Variants in MTMR1 observed in about 807,000 individuals in gnomAD.
MTMR1 encodes the protein phosphatidylinositol-3-phosphate phosphatase MTMR1.
In MTMR1, 17 loss-of-function variants were observed where a neutral mutation model predicts 51.6. The ratio of observed to expected loss-of-function variants is 0.33; its 90% confidence interval spans 0.23 to 0.49. The LOEUF (loss-of-function observed/expected upper bound fraction) is 0.49. Among genes scored for constraint, MTMR1 ranks in the 20% least tolerant of loss-of-function variants. The pLI is 0.99. For missense variants in MTMR1, 386 were observed against 526.9 expected (o/e 0.73, Z 2.62); for synonymous variants, 201 against 205.6 (o/e 0.98, Z 0.19).
chrX:150,696,402 A>C (rs1232116087), intron 1 of MTMR1, among the ~76,000 whole-genome samples: 3 of 111,220 alleles, frequency 2.7e-5, no homozygotes, highest in African/African-American at 9.8e-5. Context: ...TCTTCTGAAT[A>C]CTGTAATTAA....
At position 150,737,684 on chromosome X, in the gene MTMR1, TCATATAA is replaced by T. The variant is rs782685896; in HGVS notation, c.1473+241_1473+247del. On this transcript the variant is annotated intron_variant, in intron 12 of 15. Transcript: ENST00000445323. Reference sequence around the variant, plus strand: ...CCTTTTTAAAAAATTGAGGTAAAATTCATATAACATAGAATTAACCATTTAAAATGCT... The same window carrying T: ...CCTTTTTAAAAAATTGAGGTAAAATTCATAGAATTAACCATTTAAAATGCT... Among the ~76,000 whole-genome samples the T allele has an allele frequency of 4.5e-5, 5 of 112,188 alleles. No individual in the cohort carries two copies. In the East Asian group the frequency reaches 1.4e-3, roughly 31 times the overall value.
chrX:150,715,425 A>G (rs1962239093), intron 3 of MTMR1, among the ~76,000 whole-genome samples: 2 of 112,396 alleles, frequency 1.8e-5, no homozygotes, highest in South Asian at 7.4e-4. Context: ...ACTTTGAGCC[A>G]TGGCACCAAG....
chrX:150,718,722 C>T (rs200657033), intron 4 of MTMR1, 22 bp downstream of exon 4: 26 of 1,155,207 alleles, frequency 2.3e-5, no homozygotes, highest in Middle Eastern at 2.4e-4. Flanking sequence ...GTGTACACTT[C>T]GCTTTTTGAG....
chrX:150,761,328 G>C (rs2043121438), intron 15 of MTMR1, among the ~76,000 whole-genome samples: 1 of 112,060 alleles, frequency 8.9e-6, no homozygotes, highest in Admixed American at 9.4e-5. Flanking sequence ...CTGGGTGCTG[G>C]TTACTGAGCA....
intron 2 of MTMR1, among the ~76,000 whole-genome samples, chrX:150,699,583 G>A (rs370722233): frequency 8.0e-5 from 9 of 112,147 alleles, no homozygotes; most frequent in Admixed American, 4.7e-4. Flanking sequence ...AATGCATATA[G>A]CTTCTTTGTT....
At chrX:150,698,688 A>G (rs879985876) in intron 1 of MTMR1, among the ~76,000 whole-genome samples, 1 of 81,661 alleles carries the variant, frequency 1.2e-5, no homozygotes, top group East Asian at 3.3e-4. Flanking sequence ...GCGCACACAC[A>G]CACACACACA....
chrX:150,726,099 G>A (rs1054716632), intron 4 of MTMR1, among the ~76,000 whole-genome samples: 2 of 111,971 alleles, frequency 1.8e-5, no homozygotes, highest in Admixed American at 1.9e-4. Flanking sequence ...CACAGCAGGA[G>A]GTGAGCAGCG....
chrX:150,758,690 C>T (rs904222679), intron 15 of MTMR1, among the ~76,000 whole-genome samples: 11 of 109,476 alleles, frequency 1.0e-4, no homozygotes, highest in African/African-American at 3.3e-4. Context: ...ACTCAGGAGG[C>T]CGAGGCAGAA....
rs370523763 is a variant in MTMR1 at position 150,736,732 on chromosome X, G to A, written c.1218G>A (p.Ala406=). The change falls in exon 11 of 16, where the codon GCG becomes GCA. Residue 406 remains alanine (A), a synonymous_variant. Transcript: ENST00000445323. ...KEIVYPSIDE[A]RWLSNVDGTH... is the part of the protein sequence containing the mutation. ...TTGTGTACCCTTCGATCGATGAGGC[G>A]CGGTGGCTCTCCAATGTGGATGGGA... 1.4e-5 allele frequency: 17 copies of A among 1,209,394 alleles called. No homozygotes were observed. Among genetic ancestry groups the A allele is most frequent in the African/African-American group, 1.0e-4 (6 of 57,178 alleles).
chrX:150,725,941 T>C (rs1049450076), intron 4 of MTMR1, among the ~76,000 whole-genome samples: 2 of 111,518 alleles, frequency 1.8e-5, no homozygotes, highest in Admixed American at 9.5e-5. Context: ...CACTTTCCTA[T>C]TGAGTTAAGT....
chrX:150,719,304 C>G (rs1307300547), intron 4 of MTMR1, among the ~76,000 whole-genome samples: 4 of 111,514 alleles, frequency 3.6e-5, no homozygotes, highest in Non-Finnish European at 5.7e-5. Context: ...GTCTGGTTTT[C>G]TAGACTGTTT....
intron 3 of MTMR1, among the ~76,000 whole-genome samples, chrX:150,715,657 A>G (rs1474821772): frequency 8.9e-6 from 1 of 112,442 alleles, no homozygotes; most frequent in Admixed American, 9.4e-5. Flanking sequence ...AAAACCTCCA[A>G]GCTTTTAAAA....
At chrX:150,717,076 G>A (rs2041548933) in intron 3 of MTMR1, among the ~76,000 whole-genome samples, 2 of 110,949 alleles carry the variant, frequency 1.8e-5, no homozygotes, top group Non-Finnish European at 3.8e-5. Context: ...AAAAGCAAAT[G>A]AGGCCGGGCG....
intron 10 of MTMR1, chrX:150,735,562 A>C (rs1333145714): frequency 2.2e-6 from 1 of 458,194 alleles, no homozygotes; most frequent in East Asian, 3.9e-5. Flanking sequence ...CCTCACCTAC[A>C]GCAGGAACCT....
In MTMR1 at chrX:150,730,353, T is replaced by C. The variant is rs950424515; in HGVS notation, c.657+143T>C. 3.0e-5 allele frequency: 16 copies of C among 537,363 alleles called. No individual in the cohort carries two copies. In the East Asian group the frequency reaches 6.3e-4, roughly 21 times the overall value. 44.3% of individuals were successfully genotyped at this position (537,363 alleles called of 1,213,427 possible). On this transcript the variant is annotated intron_variant, in intron 7 of 15. Coordinates refer to ENST00000445323, the MANE Select transcript of MTMR1 (RefSeq NM_001306144.3). Reference sequence around the variant, plus strand: ...GACTAATATTAGAATATTTGAAATTTGTCAGTTCTGGGTAATGCTTAAGAA... The same window carrying C: ...GACTAATATTAGAATATTTGAAATTCGTCAGTTCTGGGTAATGCTTAAGAA...
chrX:150,703,799 G>A (rs1557416002), intron 2 of MTMR1, among the ~76,000 whole-genome samples: 2 of 111,757 alleles, frequency 1.8e-5, no homozygotes, highest in Non-Finnish European at 3.8e-5. Flanking sequence ...TGCCTTCATG[G>A]AACAGTTCAC....
chrX:150,700,939 A>G (rs1557415912), intron 2 of MTMR1, among the ~76,000 whole-genome samples: 1 of 112,536 alleles, frequency 8.9e-6, no homozygotes, highest in East Asian at 2.8e-4. Context: ...AGTTTTTTCA[A>G]TCTCAGTCTA....
At chrX:150,726,505 A>G (rs1429977784) in intron 4 of MTMR1, among the ~76,000 whole-genome samples, 5 of 111,958 alleles carry the variant, frequency 4.5e-5, no homozygotes, top group Non-Finnish European at 7.5e-5. Context: ...GAAAAGTTCA[A>G]TGGAAGTATT....
intron 13 of MTMR1, among the ~76,000 whole-genome samples, chrX:150,749,095 G>A (rs2042657097): frequency 8.9e-6 from 1 of 112,335 alleles, no homozygotes; most frequent in Admixed American, 9.4e-5. Flanking sequence ...GGAGAGTTGT[G>A]TGTTTCTGAG....
Sources: gnomAD v4.1 joint callset for allele counts (sites outside exome capture counted in the v4.1 genomes callset) on GRCh38, gnomAD v4.1.1 for gene constraint, MANE v1.5 for transcripts, NCBI Gene and HGNC (gene_info 2026-07-23, HGNC 2026-07-21) for gene names.